LIPC: variants seen among roughly 807,000 people sequenced by gnomAD.
LIPC encodes the protein hepatic triacylglycerol lipase.
A neutral mutation model predicts 50.7 loss-of-function variants in LIPC; 44 were observed. The observed-to-expected ratio is 0.87, with a 90% CI of 0.68 to 1.11. The LOEUF is 1.11. Among genes scored for constraint, LIPC ranks in the 50% most tolerant of loss-of-function variants. The probability of loss-of-function intolerance (pLI) is 0.00; values close to 1 mark genes in which losing one functional copy is unlikely to be tolerated. For missense variants in LIPC, 697 were observed against 648.2 expected, an observed-to-expected ratio of 1.08 and a Z score of -0.82; for synonymous variants, 271 against 256.4, an observed-to-expected ratio of 1.06 and a Z score of -0.54.
intron 8 of LIPC, chr15:58,565,145 A>G (rs1489561208): frequency 1.3e-6 from 2 of 1,510,364 alleles, no homozygotes; most frequent in East Asian, 2.4e-5. Context: ...AATCCTGGCA[A>G]TTACTGAGAG....
In LIPC at chr15:58,567,306, CATATATATGTATATGTGTAT is replaced by C. The variant is rs1285173547; in HGVS notation, c.1389-1401_1389-1382del. On this transcript the variant is annotated intron_variant, in intron 8 of 8. Coordinates refer to ENST00000299022, the MANE Select transcript of LIPC (RefSeq NM_000236.3). Reference sequence around the variant, plus strand: ...GTATATATATATACATATATATATACATATATATGTATATGTGTATATATATATATATGTATATGTATATA... The same window carrying C: ...GTATATATATATACATATATATATACATATATATATATGTATATGTATATA... Among the ~76,000 whole-genome samples the C allele has an allele frequency of 9.1e-3, 976 of 107,378 alleles. 22 individuals are homozygous for C. The highest frequency in any genetic ancestry group is 0.039 in the African/African-American group (904 of 23,304). 70.4% of individuals were successfully genotyped at this position (107,378 alleles called of 152,430 possible). A position where few individuals can be genotyped will look rare whatever the true frequency, so the allele number is the denominator to read the frequency against.
At chr15:58,503,416 G>A (rs565137408) in intron 1 of LIPC, among the ~76,000 whole-genome samples, 1 of 152,112 alleles carries the variant, frequency 6.6e-6, no homozygotes, top group Non-Finnish European at 1.5e-5. Context: ...AAGGCTTTAG[G>A]GGCAGCGCCA....
chr15:58,513,871 G>A (rs772338006), intron 1 of LIPC, among the ~76,000 whole-genome samples: 3 of 152,118 alleles, frequency 2.0e-5, no homozygotes, highest in Admixed American at 6.5e-5. Flanking sequence ...GAGCATTTCC[G>A]TTTCCAAACC....
intron 1 of LIPC, among the ~76,000 whole-genome samples, chr15:58,482,938 T>C (rs1281799657): frequency 6.6e-5 from 10 of 152,120 alleles, no homozygotes; most frequent in Non-Finnish European, 1.3e-4. Flanking sequence ...GGGTGGTGAT[T>C]CCTGAGGCCC....
chr15:58,550,177 C>T (rs1276372912), intron 6 of LIPC, among the ~76,000 whole-genome samples: 3 of 152,242 alleles, frequency 2.0e-5, no homozygotes, highest in African/African-American at 7.2e-5. Context: ...TTTAAAAACT[C>T]CTAAACCTGC....
chr15:58,544,738 C>T (rs183570924), intron 4 of LIPC, among the ~76,000 whole-genome samples: 8 of 152,252 alleles, frequency 5.3e-5, no homozygotes, highest in Admixed American at 1.3e-4. Flanking sequence ...GGCTGGAGAA[C>T]GGGTGATCTC....
intron 1 of LIPC, among the ~76,000 whole-genome samples, chr15:58,470,991 A>T (rs1159768371): frequency 6.6e-6 from 1 of 152,112 alleles, no homozygotes; most frequent in Non-Finnish European, 1.5e-5. Context: ...AAGCTTCCAT[A>T]AAGAAAGGTG....
intron 8 of LIPC, chr15:58,565,096 T>A (rs1292049910): frequency 8.5e-7 from 1 of 1,172,042 alleles, no homozygotes; most frequent in African/African-American, 1.5e-5. Flanking sequence ...AGTCCCTTTA[T>A]ACAACCGCAC....
intron 4 of LIPC, among the ~76,000 whole-genome samples, chr15:58,544,524 T>C (rs1893456083): frequency 6.6e-6 from 1 of 150,638 alleles, no homozygotes; most frequent in African/African-American, 2.4e-5. Context: ...GCTTCCCAAG[T>C]AGCTGGGACT....
chr15:58,434,074 GT>G (rs1285989272), intron 1 of LIPC, among the ~76,000 whole-genome samples: 2 of 152,272 alleles, frequency 1.3e-5, no homozygotes, highest in East Asian at 3.9e-4. Context: ...GACATTTTTG[GT>G]TTTTGGTTGT....
At chr15:58,537,046 G>C (rs1235927732) in intron 1 of LIPC, among the ~76,000 whole-genome samples, 1 of 152,216 alleles carries the variant, frequency 6.6e-6, no homozygotes, top group Non-Finnish European at 1.5e-5. Context: ...TGACCAAAAA[G>C]GTCAGAGCGG....
At chr15:58,499,059 G>C (rs139374316) in intron 1 of LIPC, among the ~76,000 whole-genome samples, 1 of 152,270 alleles carries the variant, frequency 6.6e-6, no homozygotes, top group Non-Finnish European at 1.5e-5. Flanking sequence ...AGGATTACTC[G>C]GCACAAGAGA....
At chr15:58,447,147 CAAAAAAAAAAAAAAA>C (rs34289431) in intron 1 of LIPC, among the ~76,000 whole-genome samples, 1 of 62,336 alleles carries the variant, frequency 1.6e-5, no homozygotes, top group Non-Finnish European at 3.0e-5. Context: ...GACTCCATCT[CAAAAAAAAAAAAAAA>C]AAAAAAAAAG....
intron 2 of LIPC, among the ~76,000 whole-genome samples, chr15:58,540,317 G>T (rs2227299): frequency 2.0e-5 from 3 of 152,136 alleles, no homozygotes; most frequent in Non-Finnish European, 2.9e-5. Context: ...CTGCAGTAAC[G>T]AACATTTGTT....
intron 1 of LIPC, among the ~76,000 whole-genome samples, chr15:58,460,445 A>G (rs1235069959): frequency 1.3e-5 from 2 of 152,244 alleles, no homozygotes; most frequent in Non-Finnish European, 2.9e-5. Flanking sequence ...ATGGCCTCCC[A>G]ACCAGAGAGT....
At chr15:58,446,264 T>A (rs1280091532) in intron 1 of LIPC, among the ~76,000 whole-genome samples, 1 of 152,152 alleles carries the variant, frequency 6.6e-6, no homozygotes, top group Non-Finnish European at 1.5e-5. Context: ...TGCAGTGGTA[T>A]GATCTTGGCT....
chr15:58,498,453 T>A (rs1446952455), intron 1 of LIPC, among the ~76,000 whole-genome samples: 2 of 151,872 alleles, frequency 1.3e-5, no homozygotes, highest in Non-Finnish European at 2.9e-5. Flanking sequence ...TTGAGGTGGG[T>A]GATGAAAAAA....
chr15:58,440,203 A>G lies in LIPC; in HGVS notation c.88+8083A>G, dbSNP rs530404138. The stretch of plus-strand genomic sequence containing the variant: ...ATTACTTGTAATTGGTAGAAAAATA[A>G]TCATTGCAAAAGCTAATTAACCATC... On this transcript the variant is annotated intron_variant, in intron 1 of 8. Transcript: ENST00000299022. 1.3e-5 allele frequency among the ~76,000 whole-genome samples: 2 copies of G among 152,368 alleles called. 1 individual carries two copies. The highest frequency in any genetic ancestry group is 2.9e-5 in the Non-Finnish European group (2 of 68,030).
chr15:58,530,029 C>T (rs527705836), intron 1 of LIPC, among the ~76,000 whole-genome samples: 84 of 152,362 alleles, frequency 5.5e-4, no homozygotes, highest in Non-Finnish European at 1.0e-3. Flanking sequence ...AACGGATTCT[C>T]GCCAGAGAAC....
Sources: allele counts gnomAD v4.1 joint callset (sites outside exome capture counted in the v4.1 genomes callset), GRCh38; gene constraint gnomAD v4.1.1; transcripts MANE v1.5; gene names NCBI Gene and HGNC (gene_info 2026-07-23, HGNC 2026-07-21).